Variants in ESCO2 observed in about 807,000 individuals in gnomAD.
The protein encoded by ESCO2 is establishment of sister chromatid cohesion N-acetyltransferase 2, also known as N-acetyltransferase ESCO2.
ESCO2 carries 51 observed loss-of-function variants against 61.7 expected under a neutral mutation model. The ratio of observed to expected loss-of-function variants is 0.83; its 90% CI spans 0.66 to 1.04. The LOEUF is 1.04. Among genes scored for constraint, ESCO2 ranks in the 50% least tolerant of loss-of-function variants. The probability of loss-of-function intolerance (pLI) is 0.00; values close to 1 mark genes in which losing one functional copy is unlikely to be tolerated. For synonymous variants in ESCO2, 230 were observed against 238.2 expected, an observed-to-expected ratio of 0.97 and a Z score of 0.32; for missense variants, 692 against 686.2, an observed-to-expected ratio of 1.01 and a Z score of -0.09.
At chr8:27,781,334 TAA>T (rs977282651) in intron 4 of ESCO2, among the ~76,000 whole-genome samples, 1 of 152,196 alleles carries the variant, frequency 6.6e-6, no homozygotes, top group African/African-American at 2.4e-5. Context: ...AATGCAAAGT[TAA>T]AGTTTGTTTT....
At chr8:27,775,390 A>G in intron 1 of ESCO2, 109 bp from the exon 2 acceptor site, 2 of 993,236 alleles carry the variant, frequency 2.0e-6, no homozygotes, top group Non-Finnish European at 3.2e-6. Context: ...AAGACCTCCC[A>G]GAAAATAGGG....
downstream of ESCO2, among the ~76,000 whole-genome samples, chr8:27,816,775 AATAC>A (rs1168609025): frequency 6.6e-6 from 1 of 152,054 alleles, no homozygotes; most frequent in Non-Finnish European, 1.5e-5. Flanking sequence ...CATATATGTA[AATAC>A]ATATAAGTGC....
chr8:27,798,547 T>C (rs1805354802), intron 9 of ESCO2, among the ~76,000 whole-genome samples: 1 of 152,076 alleles, frequency 6.6e-6, no homozygotes, highest in African/African-American at 2.4e-5. Flanking sequence ...GGAAAACTGA[T>C]GTACACACAA....
chr8:27,810,125 C>G (rs1183899361), downstream of ESCO2: 1 of 566,560 alleles, frequency 1.8e-6, no homozygotes, highest in African/African-American at 1.9e-5. Context: ...CAGTACAATT[C>G]CAAGTGCTTA....
intron 10 of ESCO2, 62 bp downstream of exon 10, chr8:27,799,778 G>T (rs989936761): frequency 5.7e-6 from 9 of 1,578,100 alleles, no homozygotes; most frequent in Non-Finnish European, 7.8e-6. Flanking sequence ...AGAACCTCTC[G>T]GCTTCTGAGC....
chr8:27,781,585 G>A (rs1316628927), intron 4 of ESCO2, among the ~76,000 whole-genome samples: 9 of 147,884 alleles, frequency 6.1e-5, no homozygotes, highest in Non-Finnish European at 1.2e-4. Context: ...TTTTGAGATG[G>A]AGTTTCACTG....
At chr8:27,776,030 G>C (rs1804781577) in intron 2 of ESCO2, among the ~76,000 whole-genome samples, 1 of 152,092 alleles carries the variant, frequency 6.6e-6, no homozygotes, top group African/African-American at 2.4e-5. Flanking sequence ...TATTATAGGG[G>C]GCTTGTAAAC....
At chr8:27,774,115 C>T (rs1270967269), upstream of ESCO2, among the ~76,000 whole-genome samples, 1 of 152,112 alleles carries the variant, frequency 6.6e-6, no homozygotes, top group African/African-American at 2.4e-5. Context: ...GTGAAACTGA[C>T]AATGAAGCTT....
At chr8:27,817,561 T>C (rs935666955), downstream of ESCO2, among the ~76,000 whole-genome samples, 4 of 152,166 alleles carry the variant, frequency 2.6e-5, no homozygotes, top group South Asian at 2.1e-4. Flanking sequence ...GTTTTTTTTT[T>C]CTATAAACCT....
intron 10 of ESCO2, 90 bp downstream of exon 10, chr8:27,799,806 G>C: frequency 4.2e-6 from 6 of 1,416,706 alleles, no homozygotes; most frequent in Non-Finnish European, 6.0e-6. Context: ...AAGGATATTG[G>C]TAAGATACTT....
In ESCO2 at chr8:27,788,905, C is replaced by T; in HGVS notation, c.1190C>T (p.Thr397Ile). 6.2e-7 allele frequency: 1 copy of T among 1,614,122 alleles called. No homozygotes were observed. Among genetic ancestry groups the T allele is most frequent in the Non-Finnish European group, 8.5e-7 (1 of 1,179,998 alleles). Residue 397 changes from threonine to isoleucine, a missense_variant, in exon 7 of 11, where the codon ACT becomes ATT. By Grantham distance (89) the Thr-to-Ile change is moderately conservative. Coordinates refer to ENST00000305188, the MANE Select transcript of ESCO2 (RefSeq NM_001017420.3). ...TGCAAGTCTTGTGGTATGATATATA[C>T]TGCTTCCAACCCTGAAGATGAAATG... is the stretch of plus-strand genomic sequence containing the variant. ...TVCKSCGMIY[T>I]ASNPEDEMQH...
At chr8:27,784,686 G>T (rs1317587427) in intron 5 of ESCO2, among the ~76,000 whole-genome samples, 1 of 152,180 alleles carries the variant, frequency 6.6e-6, no homozygotes, top group Non-Finnish European at 1.5e-5. Context: ...TGCAATGGAG[G>T]AGGCATGGAT....
At chr8:27,773,663 T>C (rs1377813912), upstream of ESCO2, 2 of 152,142 alleles carry the variant, frequency 1.3e-5, no homozygotes, top group East Asian at 3.8e-4. Context: ...TTTGACAGCA[T>C]GTATACTAAA....
chr8:27,787,410 C>A (rs1805070276), intron 5 of ESCO2, among the ~76,000 whole-genome samples: 2 of 106,810 alleles, frequency 1.9e-5, no homozygotes, highest in African/African-American at 6.9e-5. Context: ...AGCTTCATTG[C>A]CCAGGTGCTG....
chr8:27,798,686 G>A (rs997525975), intron 9 of ESCO2, among the ~76,000 whole-genome samples: 1 of 152,120 alleles, frequency 6.6e-6, no homozygotes, highest in African/African-American at 2.4e-5. Context: ...ATATTACTTA[G>A]CTATAAAAAG....
chr8:27,800,729 A>G (rs1287010077), intron 10 of ESCO2, among the ~76,000 whole-genome samples: 2 of 152,274 alleles, frequency 1.3e-5, no homozygotes, highest in Admixed American at 6.5e-5. Context: ...AATGTGATAT[A>G]TCGATACAAT....
downstream of ESCO2, among the ~76,000 whole-genome samples, chr8:27,815,070 A>C (rs932861145): frequency 6.6e-6 from 1 of 152,190 alleles, no homozygotes; most frequent in Non-Finnish European, 1.5e-5. Context: ...AAACAATAGA[A>C]AGAAGACACA....
chr8:27,792,178 A>G, intron 8 of ESCO2, 126 bp downstream of exon 8: 5 of 869,808 alleles, frequency 5.7e-6, no homozygotes, highest in Admixed American at 2.0e-5. Flanking sequence ...TTACTTTCAT[A>G]GCAATTTATA....
At chr8:27,793,971 G>A (rs1805239156) in intron 9 of ESCO2, among the ~76,000 whole-genome samples, 1 of 152,150 alleles carries the variant, frequency 6.6e-6, no homozygotes, top group African/African-American at 2.4e-5. Context: ...TTTAGATTCA[G>A]TATGTAAGTG....
Sources: allele counts gnomAD v4.1 joint callset (sites outside exome capture counted in the v4.1 genomes callset), GRCh38; gene constraint gnomAD v4.1.1; transcripts MANE v1.5; gene names NCBI Gene and HGNC (gene_info 2026-07-23, HGNC 2026-07-21).